LIN28B: variants seen among roughly 807,000 people sequenced by gnomAD.
LIN28B encodes the protein lin-28 RNA binding posttranscriptional regulator B.
Under a neutral mutation model 21.9 loss-of-function variants are expected in LIN28B, and 5 were observed. The ratio of observed to expected loss-of-function variants is 0.23; its 90% confidence interval spans 0.12 to 0.48. LIN28B has a LOEUF of 0.48. Among genes scored for constraint, LIN28B ranks in the 20% least tolerant of loss-of-function variants. LIN28B has a pLI of 0.98. For synonymous variants in LIN28B, 109 were observed against 111.3 expected (o/e 0.98, Z 0.13); for missense variants, 245 against 310.5 (o/e 0.79, Z 1.58).
chr6:104,949,485 C>G (rs1050074597), intron 2 of LIN28B, among the ~76,000 whole-genome samples: 1 of 152,062 alleles, frequency 6.6e-6, no homozygotes, highest in Non-Finnish European at 1.5e-5. Context: ...TCAGTAGAAC[C>G]CTGCACTTGG....
At chr6:104,976,627 G>A (rs1770100666) in intron 2 of LIN28B, among the ~76,000 whole-genome samples, 1 of 152,182 alleles carries the variant, frequency 6.6e-6, no homozygotes, top group Non-Finnish European at 1.5e-5. Context: ...GCTTTTAGTT[G>A]CAGGGAAGGC....
chr6:104,997,944 T>C (rs1770646050), intron 2 of LIN28B, among the ~76,000 whole-genome samples: 1 of 152,278 alleles, frequency 6.6e-6, no homozygotes, highest in East Asian at 1.9e-4. Flanking sequence ...GTCTTATTTA[T>C]ATACAATAAT....
intron 2 of LIN28B, among the ~76,000 whole-genome samples, chr6:104,970,924 A>G (rs1475733395): frequency 2.0e-5 from 3 of 152,134 alleles, no homozygotes; most frequent in Non-Finnish European, 4.4e-5. Flanking sequence ...TTTTTAATAA[A>G]GTTAAATGAG....
intron 3 of LIN28B, among the ~76,000 whole-genome samples, chr6:105,069,868 C>T (rs1014700721): frequency 9.9e-5 from 15 of 152,108 alleles, no homozygotes; most frequent in African/African-American, 3.1e-4. Context: ...AGGAGCTTTT[C>T]TGCCATCACA....
chr6:105,078,943 C>T lies in LIN28B; in HGVS notation c.*160C>T, dbSNP rs556937735. 11 of 730,400 alleles carry T rather than the reference C, an allele frequency of 1.5e-5. No individual in the cohort carries two copies. In the African/African-American group the frequency reaches 2.0e-4, roughly 13 times the overall value. 45.2% of individuals were successfully genotyped at this position (730,400 alleles called of 1,614,324 possible). On this transcript the variant is annotated 3_prime_UTR_variant, in exon 4 of 4. Coordinates refer to ENST00000345080, the MANE Select transcript of LIN28B (RefSeq NM_001004317.4). ...CAGACAAATCACTCTAAGCAAATTA[C>T]ATTTGAGCAGGGTGTCATGTTTTAT...
intron 2 of LIN28B, among the ~76,000 whole-genome samples, chr6:104,982,025 G>A (rs1770234682): frequency 6.6e-6 from 1 of 152,144 alleles, no homozygotes; most frequent in African/African-American, 2.4e-5. Context: ...TAAGAAGAAG[G>A]AATTAGGGCT....
chr6:104,941,993 CAG>C (rs1778101294), intron 2 of LIN28B, among the ~76,000 whole-genome samples: 2 of 152,152 alleles, frequency 1.3e-5, no homozygotes, highest in South Asian at 2.1e-4. Context: ...TCATGTAACA[CAG>C]AATGAAATCT....
intron 3 of LIN28B, among the ~76,000 whole-genome samples, chr6:105,034,388 A>G (rs1265500115): frequency 1.3e-5 from 2 of 151,918 alleles, no homozygotes; most frequent in African/African-American, 4.8e-5. Flanking sequence ...AGTATGAGTA[A>G]GCTTTTTGAT....
intron 2 of LIN28B, among the ~76,000 whole-genome samples, chr6:105,008,796 T>C (rs1181886201): frequency 2.0e-5 from 3 of 152,212 alleles, no homozygotes; most frequent in Non-Finnish European, 4.4e-5. Flanking sequence ...TTGTTTTACT[T>C]TGAGTTCAAA....
At chr6:104,961,654 C>G (rs1052964557) in intron 2 of LIN28B, among the ~76,000 whole-genome samples, 2 of 152,130 alleles carry the variant, frequency 1.3e-5, no homozygotes, top group Non-Finnish European at 2.9e-5. Context: ...CCTGCCTCCC[C>G]CTCCCAAAGT....
chr6:105,070,563 A>G (rs1048863875), intron 3 of LIN28B, among the ~76,000 whole-genome samples: 1 of 139,616 alleles, frequency 7.2e-6, no homozygotes, highest in African/African-American at 2.7e-5. Flanking sequence ...CTTGGGCAAC[A>G]TGGCAAAACT....
chr6:104,983,721 C>T (rs1360144627), intron 2 of LIN28B, among the ~76,000 whole-genome samples: 3 of 152,076 alleles, frequency 2.0e-5, no homozygotes, highest in Admixed American at 2.0e-4. Context: ...GGATTACAGG[C>T]ATGTACTACC....
intron 2 of LIN28B, among the ~76,000 whole-genome samples, chr6:105,005,542 A>C (rs314261): frequency 0.48 from 72,787 of 151,908 alleles, 19,378 homozygotes; most frequent in East Asian, 0.69. Context: ...TGTTCTCATG[A>C]TAGTGAGTTC....
At chr6:105,044,956 C>T (rs1387227765) in intron 3 of LIN28B, among the ~76,000 whole-genome samples, 1 of 152,048 alleles carries the variant, frequency 6.6e-6, no homozygotes, top group African/African-American at 2.4e-5. Context: ...CACTTCAGCC[C>T]AGGAGTTCGA....
chr6:104,972,676 A>G (rs1197059861), intron 2 of LIN28B, among the ~76,000 whole-genome samples: 1 of 152,226 alleles, frequency 6.6e-6, no homozygotes, highest in Non-Finnish European at 1.5e-5. Flanking sequence ...AATAAAATTA[A>G]TACTAAATAA....
intron 2 of LIN28B, among the ~76,000 whole-genome samples, chr6:105,000,320 G>C (rs1372673392): frequency 6.6e-6 from 1 of 152,052 alleles, no homozygotes; most frequent in Admixed American, 6.6e-5. Context: ...TTTTTATAGT[G>C]GTAACAGAGT....
At chr6:104,966,629 T>A (rs916705602) in intron 2 of LIN28B, among the ~76,000 whole-genome samples, 1 of 150,364 alleles carries the variant, frequency 6.7e-6, no homozygotes, top group African/African-American at 2.5e-5. Flanking sequence ...ATTTTTTTTT[T>A]TTTTTTTTTT....
rs143832891 is a variant in LIN28B at position 105,022,155 on chromosome 6, G to C, written c.199-4143G>C. Among the ~76,000 whole-genome samples the C allele has an allele frequency of 3.1e-3, 470 of 152,034 alleles. 6 individuals carry two copies. Among genetic ancestry groups the C allele is most frequent in the African/African-American group, 0.011 (449 of 41,396 alleles). On this transcript the variant is annotated intron_variant, in intron 2 of 3. Transcript: ENST00000345080. Reference sequence around the variant, plus strand: ...TAACAGGCTAAGATTTATTGAGAGAGAATGTGCAGGTATGGAAGATGATGT... The same window carrying C: ...TAACAGGCTAAGATTTATTGAGAGACAATGTGCAGGTATGGAAGATGATGT...
chr6:105,065,958 G>A (rs1350851208), intron 3 of LIN28B, among the ~76,000 whole-genome samples: 2 of 152,160 alleles, frequency 1.3e-5, no homozygotes, highest in African/African-American at 4.8e-5. Flanking sequence ...CTTGAGCCGA[G>A]CCTAGAAGTT....
Sources: gnomAD v4.1 joint callset for allele counts (sites outside exome capture counted in the v4.1 genomes callset) on GRCh38, gnomAD v4.1.1 for gene constraint, MANE v1.5 for transcripts, NCBI Gene and HGNC (gene_info 2026-07-23, HGNC 2026-07-21) for gene names.